The following GRM8 variants were observed in gnomAD, a reference collection of about 807,000 sequenced individuals.
GRM8 encodes glutamate metabotropic receptor 8, also known as metabotropic glutamate receptor 8.
In GRM8, 47 loss-of-function variants were observed where a neutral mutation model predicts 87.2. The observed-to-expected ratio is 0.54, with a 90% CI of 0.43 to 0.69. GRM8 has a LOEUF of 0.69. Among genes scored for constraint, GRM8 ranks in the 30% least tolerant of loss-of-function variants. The pLI, the probability that GRM8 is intolerant of heterozygous loss-of-function variation, is 0.00. For missense variants in GRM8, 1,019 were observed against 1,139.2 expected (o/e 0.89, Z 1.52); for synonymous variants, 396 against 404.5 (o/e 0.98, Z 0.25).
At chr7:126,772,638 T>C (rs953976872) in intron 6 of GRM8, among the ~76,000 whole-genome samples, 1 of 152,134 alleles carries the variant, frequency 6.6e-6, no homozygotes, top group Non-Finnish European at 1.5e-5. Flanking sequence ...GAGAATTTTA[T>C]GGTATTGAAG....
chr7:126,461,557 G>C (rs1048525278), intron 9 of GRM8, among the ~76,000 whole-genome samples: 19 of 151,564 alleles, frequency 1.3e-4, no homozygotes, highest in African/African-American at 4.6e-4. Flanking sequence ...GCTGCTTCCA[G>C]GTCATTACAG....
chr7:127,080,564 T>C (rs1822745180), intron 3 of GRM8: 1 of 152,134 alleles, frequency 6.6e-6, no homozygotes, highest in South Asian at 2.1e-4. Context: ...TTCCCAGGTA[T>C]TAATTTAAAA....
intron 7 of GRM8, among the ~76,000 whole-genome samples, chr7:126,707,142 T>A (rs1190597312): frequency 6.6e-6 from 1 of 152,052 alleles, no homozygotes; most frequent in Non-Finnish European, 1.5e-5. Context: ...TATCTCTATT[T>A]TTTTTTAAAT....
chr7:126,631,199 A>C (rs985784103), intron 7 of GRM8, among the ~76,000 whole-genome samples: 4 of 152,166 alleles, frequency 2.6e-5, no homozygotes, highest in Non-Finnish European at 5.9e-5. Context: ...TCATGATACA[A>C]AATCAATGTG....
intron 2 of GRM8, among the ~76,000 whole-genome samples, chr7:127,161,575 C>T (rs17869425): frequency 5.3e-5 from 8 of 152,188 alleles, no homozygotes; most frequent in African/African-American, 9.6e-5. Flanking sequence ...CTTATGTGTG[C>T]GCATGCATGT....
At chr7:127,049,882 G>A (rs1212373010) in intron 3 of GRM8, among the ~76,000 whole-genome samples, 1 of 152,162 alleles carries the variant, frequency 6.6e-6, no homozygotes, top group Non-Finnish European at 1.5e-5. Flanking sequence ...GTGCTTGATA[G>A]AGGAGAATCC....
At chr7:126,607,027 G>A (rs909274798) in intron 8 of GRM8, among the ~76,000 whole-genome samples, 2 of 152,156 alleles carry the variant, frequency 1.3e-5, no homozygotes, top group African/African-American at 4.8e-5. Context: ...TAGGCAGTCC[G>A]ACATTAATAA....
chr7:127,101,761 G>C (rs1825286460), intron 3 of GRM8, among the ~76,000 whole-genome samples: 1 of 152,152 alleles, frequency 6.6e-6, no homozygotes. Flanking sequence ...GAAGATTGGT[G>C]CTGAGGGGTG....
intron 9 of GRM8, among the ~76,000 whole-genome samples, chr7:126,501,264 G>C (rs1809601152): frequency 6.6e-6 from 1 of 151,964 alleles, no homozygotes; most frequent in Admixed American, 6.6e-5. Context: ...AAGGAGCAGG[G>C]CTTCATTATG....
intron 9 of GRM8, among the ~76,000 whole-genome samples, chr7:126,497,273 T>C (rs1808903473): frequency 6.6e-6 from 1 of 151,954 alleles, no homozygotes; most frequent in East Asian, 1.9e-4. Context: ...AACTTTACAT[T>C]TGCCAATTCA....
chr7:126,480,718 G>A (rs1475618708), intron 9 of GRM8, among the ~76,000 whole-genome samples: 2 of 152,078 alleles, frequency 1.3e-5, no homozygotes, highest in African/African-American at 4.8e-5. Flanking sequence ...ATGTGTACGT[G>A]TGTATATATA....
chr7:127,159,452 CT>C (rs1792952738), intron 2 of GRM8, among the ~76,000 whole-genome samples: 1 of 152,150 alleles, frequency 6.6e-6, no homozygotes, highest in Admixed American at 6.5e-5. Context: ...CAACTACTAA[CT>C]TTAAAAGTAT....
chr7:126,593,743 T>C (rs1192696513), intron 8 of GRM8, among the ~76,000 whole-genome samples: 8 of 151,614 alleles, frequency 5.3e-5, no homozygotes. Context: ...CAAAAATAAA[T>C]GAGGGGACTA....
chr7:126,687,573 G>C (rs1808322625), intron 7 of GRM8, among the ~76,000 whole-genome samples: 1 of 151,042 alleles, frequency 6.6e-6, no homozygotes, highest in Non-Finnish European at 1.5e-5. Context: ...TTTATGCCTT[G>C]TTGTAAATGG....
intron 6 of GRM8, among the ~76,000 whole-genome samples, chr7:126,879,590 T>C (rs1799845284): frequency 6.6e-6 from 1 of 152,196 alleles, no homozygotes; most frequent in African/African-American, 2.4e-5. Flanking sequence ...TGGCTATATT[T>C]TTTCCTTCTC....
chr7:126,443,039 T>G (rs1301235290), intron 10 of GRM8, among the ~76,000 whole-genome samples: 1 of 152,030 alleles, frequency 6.6e-6, no homozygotes, highest in Non-Finnish European at 1.5e-5. Flanking sequence ...ATGAATATGC[T>G]CATATGAAAA....
intron 6 of GRM8, among the ~76,000 whole-genome samples, chr7:126,844,722 C>T (rs1796564985): frequency 6.6e-6 from 1 of 152,182 alleles, no homozygotes; most frequent in Non-Finnish European, 1.5e-5. Context: ...TTGCAAATGG[C>T]TGCCTTCTTG....
chr7:127,020,277 G>A (rs371897131), intron 3 of GRM8, among the ~76,000 whole-genome samples: 2 of 152,194 alleles, frequency 1.3e-5, no homozygotes, highest in East Asian at 1.9e-4. Context: ...TACAGTGTGG[G>A]TCATATGCCT....
intron 6 of GRM8, among the ~76,000 whole-genome samples, chr7:126,895,084 G>T (rs1388632596): frequency 6.6e-6 from 1 of 151,940 alleles, no homozygotes; most frequent in Non-Finnish European, 1.5e-5. Flanking sequence ...TAGTAATTAA[G>T]CTTCCCACTT....
Sources: gnomAD v4.1 joint callset for allele counts (sites outside exome capture counted in the v4.1 genomes callset) on GRCh38, gnomAD v4.1.1 for gene constraint, MANE v1.5 for transcripts, NCBI Gene and HGNC (gene_info 2026-07-23, HGNC 2026-07-21) for gene names.